Variants in SOX5 observed in about 807,000 individuals in gnomAD.
The protein encoded by SOX5 is transcription factor SOX-5.
Under a neutral mutation model 92.0 loss-of-function variants are expected in SOX5, and 9 were observed. That is an observed-to-expected ratio of 0.10 (90% confidence interval 0.06 to 0.17). The LOEUF (loss-of-function observed/expected upper bound fraction) is 0.17, where lower values mean the gene tolerates loss of function less well. Among genes scored for constraint, SOX5 ranks in the 10% least tolerant of loss-of-function variants. The pLI, the probability that SOX5 is intolerant of heterozygous loss-of-function variation, is 1.00. For missense variants in SOX5, 642 were observed against 944.5 expected (o/e 0.68, Z 4.20); for synonymous variants, 344 against 336.3 (o/e 1.02, Z -0.25).
intron 1 of SOX5, among the ~76,000 whole-genome samples, chr12:24,548,638 A>G (rs930772414): frequency 2.0e-5 from 3 of 152,190 alleles, no homozygotes; most frequent in Non-Finnish European, 2.9e-5. Context: ...GAGTATCCCA[A>G]TAGGTTAGTG....
intron 2 of SOX5, among the ~76,000 whole-genome samples, chr12:24,304,202 T>C (rs1185145392): frequency 6.6e-6 from 1 of 152,154 alleles, no homozygotes. Context: ...GAGAATTCCA[T>C]GTCAAAGAGA....
At chr12:24,480,756 C>G (rs1945898304) in intron 1 of SOX5, among the ~76,000 whole-genome samples, 2 of 151,664 alleles carry the variant, frequency 1.3e-5, no homozygotes, top group Admixed American at 6.6e-5. Context: ...AAGGCAATAA[C>G]AAGTGCTAGC....
intron 1 of SOX5, among the ~76,000 whole-genome samples, chr12:24,488,341 C>T (rs552555648): frequency 1.2e-3 from 184 of 152,220 alleles, no homozygotes; most frequent in Non-Finnish European, 1.9e-3. Flanking sequence ...GTAATCCCAG[C>T]GCTTTGAGAG....
intron 4 of SOX5, among the ~76,000 whole-genome samples, chr12:23,970,841 A>ATATATATATATATATATATTTT: frequency 2.3e-4 from 5 of 21,882 alleles, no homozygotes; most frequent in African/African-American, 5.0e-4. Flanking sequence ...TATATATATA[A>ATATATATATATATATATATTTT]TTTTTTTTTT....
chr12:23,731,514 G>C (rs1194749905), intron 6 of SOX5, among the ~76,000 whole-genome samples: 1 of 152,040 alleles, frequency 6.6e-6, no homozygotes, highest in Non-Finnish European at 1.5e-5. Context: ...ACTTGTTCAT[G>C]CTTTTTTAAT....
At chr12:24,400,332 G>A (rs1961219100) in intron 1 of SOX5, among the ~76,000 whole-genome samples, 1 of 152,128 alleles carries the variant, frequency 6.6e-6, no homozygotes, top group African/African-American at 2.4e-5. Context: ...TGACACCCAA[G>A]TAACTGAGTG....
At chr12:24,347,902 A>G (rs1241883310) in intron 2 of SOX5, among the ~76,000 whole-genome samples, 2 of 152,190 alleles carry the variant, frequency 1.3e-5, no homozygotes, top group African/African-American at 4.8e-5. Context: ...CTGGCCCCAG[A>G]AAACTTCCAG....
rs1390631247 is a variant in SOX5, at chr12:23,745,770, T to C, written c.569-4731A>G. ...CTTCTTTGGGAATCTACACAGCATATGTGTAGATCTTTATTATAGTATTGA... is the reference window on the plus strand; with the variant it reads ...CTTCTTTGGGAATCTACACAGCATACGTGTAGATCTTTATTATAGTATTGA... On this transcript the variant is annotated intron_variant, in intron 4 of 14. Transcript: ENST00000451604. 2.0e-5 allele frequency among the ~76,000 whole-genome samples: 3 copies of C among 152,142 alleles called. No homozygotes were observed. In the East Asian group the frequency reaches 5.8e-4, roughly 29 times the overall value.
chr12:23,734,639 A>G (rs759320304), intron 6 of SOX5, 45 bp downstream of exon 6: 1 of 1,375,502 alleles, frequency 7.3e-7, no homozygotes, highest in East Asian at 2.4e-5. Context: ...GAAACAGAAT[A>G]TATATTTTTT....
At chr12:23,993,607 CA>C (rs746592385) in intron 4 of SOX5, among the ~76,000 whole-genome samples, 15 of 152,072 alleles carry the variant, frequency 9.9e-5, no homozygotes, top group African/African-American at 1.4e-4. Flanking sequence ...TCCATTGTGC[CA>C]AAGTCACATG....
rs577610469 is a variant in SOX5 at position 23,826,295 on chromosome 12, C to T, written c.481+19688G>A. Among the ~76,000 whole-genome samples the T allele has an allele frequency of 4.4e-4, 67 of 151,168 alleles. No homozygotes were observed. The South Asian group carries it at 0.01, about 23-fold the overall frequency. On this transcript the variant is annotated intron_variant, in intron 3 of 14. Coordinates refer to ENST00000451604, the MANE Select transcript of SOX5 (RefSeq NM_006940.6). ...TGGTGTTTGGGTTTTTTTGTCCTTG[C>T]GGTAGTTTGCTGAGAATGAGTGTGT...
At chr12:23,731,394 A>G (rs2093387263) in intron 6 of SOX5, among the ~76,000 whole-genome samples, 2 of 152,086 alleles carry the variant, frequency 1.3e-5, no homozygotes, top group Admixed American at 1.3e-4. Context: ...ATATCTATCT[A>G]TATCATCCAT....
At chr12:24,445,819 T>G (rs757235702) in intron 1 of SOX5, among the ~76,000 whole-genome samples, 1 of 152,330 alleles carries the variant, frequency 6.6e-6, no homozygotes, top group East Asian at 1.9e-4. Context: ...GCTTGGACAT[T>G]GGACATATTT....
chr12:24,435,666 A>C lies in SOX5; in HGVS notation c.-250-67027T>G, dbSNP rs543326778. ...AAGACCTAAAATTAAACAACTTGAC[A>C]AGTGAATGAGAAGATCACAATGAAT... On this transcript the variant is annotated intron_variant, in intron 1 of 4. Coordinates refer to the SOX5 transcript ENST00000446891. Among the ~76,000 whole-genome samples the C allele has an allele frequency of 1.2e-4, 18 of 152,372 alleles. No individual in the cohort carries two copies. In the South Asian group the frequency reaches 3.7e-3, roughly 32 times the overall value.
In SOX5 at chr12:23,749,162, C is replaced by T. The variant is rs1311153986; in HGVS notation, c.568+6476G>A. Among the ~76,000 whole-genome samples the T allele has an allele frequency of 2.0e-5, 3 of 151,780 alleles. 1 individual carries two copies. Among genetic ancestry groups the T allele is most frequent in the East Asian group, 1.9e-4 (1 of 5,166 alleles). On this transcript the variant is annotated intron_variant, in intron 4 of 14. Transcript: ENST00000451604. ...AGTATTTGTTAGGTTATCCTACATG[C>T]AAACATCTATTAATTAGTTCTTTAC... is the stretch of plus-strand genomic sequence containing the variant.
At chr12:24,326,835 C>T (rs1565911728) in intron 2 of SOX5, among the ~76,000 whole-genome samples, 1 of 143,270 alleles carries the variant, frequency 7.0e-6, no homozygotes, top group Non-Finnish European at 1.5e-5. Context: ...CTCATTCATA[C>T]ATACACACAC....
chr12:24,043,816 G>A (rs769254636), intron 4 of SOX5, among the ~76,000 whole-genome samples: 54 of 151,842 alleles, frequency 3.6e-4, no homozygotes, highest in Non-Finnish European at 6.5e-4. Context: ...GAAAGGAGAA[G>A]AACAATATAT....
At chr12:23,707,828 C>G (rs532279170) in intron 6 of SOX5, among the ~76,000 whole-genome samples, 2 of 152,128 alleles carry the variant, frequency 1.3e-5, no homozygotes, top group South Asian at 4.1e-4. Context: ...TTAAAACAAT[C>G]TGAAAATGTG....
chr12:23,971,282 C>A (rs890538980), intron 4 of SOX5, among the ~76,000 whole-genome samples: 7 of 151,512 alleles, frequency 4.6e-5, no homozygotes, highest in Admixed American at 4.6e-4. Context: ...GCCACCATGC[C>A]TGGCTAATTT....
Sources: gnomAD v4.1 joint callset for allele counts (sites outside exome capture counted in the v4.1 genomes callset) on GRCh38, gnomAD v4.1.1 for gene constraint, MANE v1.5 for transcripts, NCBI Gene and HGNC (gene_info 2026-07-23, HGNC 2026-07-21) for gene names.